The following COL20A1 variants were observed in gnomAD, a reference collection of about 807,000 sequenced individuals.
COL20A1 encodes collagen alpha-1(XX) chain.
Under a neutral mutation model 152.9 loss-of-function variants are expected in COL20A1, and 164 were observed. The ratio of observed to expected loss-of-function variants is 1.07; its 90% confidence interval spans 0.94 to 1.22. COL20A1 has a LOEUF of 1.22. Ranked by LOEUF, COL20A1 falls within the 50% of genes most tolerant of loss-of-function variation. COL20A1 has a pLI of 0.00. For missense variants in COL20A1, 1,873 were observed against 1,744.8 expected, an observed-to-expected ratio of 1.07 and a Z score of -1.31; for synonymous variants, 864 against 756.0, an observed-to-expected ratio of 1.14 and a Z score of -2.34.
Position 63,313,381 on chromosome 20 carries a change from G to A in COL20A1, c.2209+132G>A. 9.6e-7 allele frequency: 1 copy of A among 1,039,380 alleles called. No individual in the cohort carries two copies. The highest frequency in any genetic ancestry group is 1.4e-6 in the Non-Finnish European group (1 of 731,014). 64.4% of individuals were successfully genotyped at this position (1,039,380 alleles called of 1,614,324 possible). A position where few individuals can be genotyped will look rare whatever the true frequency, so the allele number is the denominator to read the frequency against. ...CTGGCTCCAGAGCCCTGATCACTGG[G>A]CCTGGTCGTTGGAGTCTGCAGCACT... On this transcript the variant is annotated intron_variant, in intron 17 of 35. Transcript: ENST00000358894. This position sits in a 1 kb window ranked among gnomAD's most constrained non-coding sequence, Gnocchi z 5.9.
chr20:63,327,782 G>A, intron 31 of COL20A1, 170 bp from the exon 32 acceptor site: 1 of 665,302 alleles, frequency 1.5e-6, no homozygotes, highest in South Asian at 1.8e-5. Flanking sequence ...CTCGGGTGCA[G>A]GCGAGGACCA....
In COL20A1 at chr20:63,314,220, CCCAGACCCAG is replaced by C. The variant is rs1205377503; in HGVS notation, c.2488+20_2488+29del. 1.6e-5 allele frequency: 25 copies of C among 1,550,336 alleles called. No individual in the cohort carries two copies. The highest frequency in any genetic ancestry group is 2.0e-5 in the Non-Finnish European group (23 of 1,146,472). Reference sequence around the variant, plus strand: ...CAGACAGGTGAGTGGGCACCAAGACCCCAGACCCAGGTAGACCCAGCCCCAGCCGGGCCCT... The same window carrying C: ...CAGACAGGTGAGTGGGCACCAAGACCGTAGACCCAGCCCCAGCCGGGCCCT... On this transcript the variant is annotated intron_variant, in intron 19 of 35. Coordinates refer to ENST00000358894, the MANE Select transcript of COL20A1 (RefSeq NM_020882.4).
At position 63,314,167 on chromosome 20, in the gene COL20A1, C is replaced by G. The variant is rs539788624; in HGVS notation, c.2454C>G (p.Gly818=). 1.9e-6 allele frequency: 3 copies of G among 1,583,210 alleles called. No individual in the cohort carries two copies. Among genetic ancestry groups the G allele is most frequent in the African/African-American group, 2.7e-5 (2 of 74,462 alleles). The change falls in exon 19 of 36, where the codon GGC becomes GGG. Residue 818 remains glycine, a synonymous_variant. Transcript: ENST00000358894. Reference sequence around the variant, plus strand: ...TGGTCTCAGCTATCTATGCAGCAGGCAGGAGTGAGGCTGTGTCTGCCACGG... The same window carrying G: ...TGGTCTCAGCTATCTATGCAGCAGGGAGGAGTGAGGCTGTGTCTGCCACGG... ...RVLVSAIYAA[G]RSEAVSATGQ...
At position 63,311,390 on chromosome 20, in the gene COL20A1, C is replaced by A; in HGVS notation, c.1394-4C>A. ...TCCTAAAGTGTCCCTGCATGGCCCC[C>A]CAGCACCTCTGCCTCCGCCCCGGGC... On this transcript the variant is annotated splice_polypyrimidine_tract_variant and splice_region_variant and intron_variant, in intron 11 of 35. Transcript: ENST00000358894. The surrounding 1 kb of genome is among the most constrained non-coding windows in gnomAD (Gnocchi z 4.4). The A allele has an allele frequency of 6.3e-7, 1 of 1,578,900 alleles. No homozygotes were observed. The highest frequency in any genetic ancestry group is 8.6e-7 in the Non-Finnish European group (1 of 1,163,958).
rs1220726311 is a variant in COL20A1, at chr20:63,320,161, G to A, written c.3039G>A (p.Leu1013=). 1.3e-6 allele frequency: 2 copies of A among 1,555,702 alleles called. No homozygotes were observed. The highest frequency in any genetic ancestry group is 3.8e-5 in the Admixed American group (2 of 52,564). ...PAAGFVTLGR[L]AKARGPRSSS... is the part of the protein sequence containing the mutation. ...CGGGCTTCGTCACGCTGGGGAGGCT[G>A]GCCAAGGCCAGGGGCCCCCGGAGCA... is the stretch of plus-strand genomic sequence containing the variant. The change falls in exon 24 of 36, where the codon CTG becomes CTA. Residue 1013 remains leucine, a synonymous_variant. Transcript: ENST00000358894.
intron 19 of COL20A1, among the ~76,000 whole-genome samples, chr20:63,314,605 G>A (rs943927281): frequency 6.6e-6 from 1 of 152,162 alleles, no homozygotes; most frequent in African/African-American, 2.4e-5. Flanking sequence ...TTGGGGACGG[G>A]GTCCTCACTG....
rs755458492 is a variant in COL20A1 at position 63,312,011 on chromosome 20, G to A, written c.1759G>A (p.Val587Ile). 21 of 1,606,674 alleles carry A rather than the reference G, an allele frequency of 1.3e-5. No individual in the cohort carries two copies. In the South Asian group the frequency reaches 1.8e-4, roughly 14 times the overall value. Residue 587 changes from valine to isoleucine, a missense_variant, in exon 14 of 36, where the codon GTC becomes ATC. Coordinates refer to ENST00000358894, the MANE Select transcript of COL20A1 (RefSeq NM_020882.4). ...GGGTGCCCCGAGGCCTGTGCGCCTG[G>A]TCAGGGTCACCTATGTGTCCAGCGA... The part of the protein sequence containing the change: ...WEGAPRPVRL[V>I]RVTYVSSEGG...
chr20:63,309,811 C>G lies in COL20A1; in HGVS notation c.1159C>G (p.Gln387Glu), dbSNP rs774897563. Residue 387 changes from glutamine to glutamate, a missense_variant, in exon 10 of 36, where the codon CAG (glutamine) becomes GAG (glutamate). Transcript: ENST00000358894. The part of the protein sequence containing the change: ...LPAPTSLVLS[Q>E]VTSSSIRLSW... ...TGCCCCCACCAGCCTGGTCCTGAGC[C>G]AGGTGACCTCCTCCAGCATCCGCCT... 18 of 1,609,132 alleles carry G rather than the reference C, an allele frequency of 1.1e-5. 1 individual carries two copies. In the South Asian group the frequency reaches 1.8e-4, roughly 16 times the overall value.
rs370140638 is a variant in COL20A1 at position 63,295,127 on chromosome 20, C to T, written c.20C>T (p.Ala7Val). ...AGCACCATGAGCTCCGGAGACCCTG[C>T]ACACCTCGGCCTCTGCCTCTGGCTG... MSSGDPAHLGLCLWLWL... is the reference protein window; with the variant it reads MSSGDPVHLGLCLWLWL... Residue 7 changes from alanine to valine, a missense_variant, in exon 2 of 36, where the codon GCA (alanine) becomes GTA (valine). Transcript: ENST00000358894. The T allele has an allele frequency of 3.0e-5, 46 of 1,552,638 alleles. No individual in the cohort carries two copies. The African/African-American group carries it at 5.2e-4, about 18-fold the overall frequency.
intron 27 of COL20A1, among the ~76,000 whole-genome samples, chr20:63,323,510 G>A (rs1439854713): frequency 1.3e-5 from 2 of 152,170 alleles, no homozygotes; most frequent in African/African-American, 4.8e-5. Flanking sequence ...GATTCGTCTA[G>A]AGCTGATTTT....
At position 63,295,102 on chromosome 20, in the gene COL20A1, A is replaced by C; in HGVS notation, c.-6A>C. Reference sequence around the variant, plus strand: ...ATGGCCTCTTCCCTGCCACAGCCCGAGCACCATGAGCTCCGGAGACCCTGC... The same window carrying C: ...ATGGCCTCTTCCCTGCCACAGCCCGCGCACCATGAGCTCCGGAGACCCTGC... On this transcript the variant is annotated 5_prime_UTR_variant, in exon 2 of 36. Transcript: ENST00000358894. 6.5e-7 allele frequency: 1 copy of C among 1,548,736 alleles called. No individual in the cohort carries two copies. Among genetic ancestry groups the C allele is most frequent in the Non-Finnish European group, 8.7e-7 (1 of 1,145,906 alleles).
rs199849682 is a variant in COL20A1 at position 63,313,194 on chromosome 20, G to A, written c.2154G>A (p.Leu718=). Residue 718 remains leucine, a synonymous_variant, in exon 17 of 36, where the codon TTG becomes TTA. Transcript: ENST00000358894. The surrounding 1 kb of genome is among the most constrained non-coding windows in gnomAD (Gnocchi z 5.9). Reference sequence around the variant, plus strand: ...ACACAGAGTACGACGTCACCATCTTGGCCTACTACAGGGACGGGGCCCGCA... The same window carrying A: ...ACACAGAGTACGACGTCACCATCTTAGCCTACTACAGGGACGGGGCCCGCA... The part of the protein sequence containing the change: ...GRHTEYDVTI[L]AYYRDGARSD... 6.2e-7 allele frequency: 1 copy of A among 1,612,546 alleles called. No individual in the cohort carries two copies. The highest frequency in any genetic ancestry group is 8.5e-7 in the Non-Finnish European group (1 of 1,179,732).
chr20:63,329,596 G>T lies in COL20A1; in HGVS notation c.3793G>T (p.Ala1265Ser). The T allele has an allele frequency of 1.9e-6, 3 of 1,609,464 alleles. No individual in the cohort carries two copies. Among genetic ancestry groups the T allele is most frequent in the Non-Finnish European group, 2.5e-6 (3 of 1,179,290 alleles). Residue 1265 changes from alanine (A) to serine (S), a missense_variant, in exon 35 of 36, where the codon GCT (alanine) becomes TCT (serine). By Grantham distance (99) the Ala-to-Ser change is moderately conservative (BLOSUM62 1). Coordinates refer to ENST00000358894, the MANE Select transcript of COL20A1 (RefSeq NM_020882.4). ...CCCTTTCCTCGCAGGGGAGCCTGGA[G>T]CTGTTGGTCAGATGGGCAGCCCTGG... ...RHLEGRGEPG[A>S]VGQMGSPGQQ...
Position 63,311,377 on chromosome 20 carries a change from C to G in COL20A1, c.1394-17C>G. ...TGTGTGGGCTCCTTCCTAAAGTGTC[C>G]CTGCATGGCCCCCCAGCACCTCTGC... On this transcript the variant is annotated splice_polypyrimidine_tract_variant and intron_variant, in intron 11 of 35. Coordinates refer to ENST00000358894, the MANE Select transcript of COL20A1 (RefSeq NM_020882.4). The surrounding 1 kb of genome is among the most constrained non-coding windows in gnomAD (Gnocchi z 4.4). 6.4e-7 allele frequency: 1 copy of G among 1,569,992 alleles called. No homozygotes were observed. The highest frequency in any genetic ancestry group is 8.6e-7 in the Non-Finnish European group (1 of 1,159,740).
At chr20:63,327,013 GT>G (rs2068260057) in intron 31 of COL20A1, among the ~76,000 whole-genome samples, 190 bp downstream of exon 31, 1 of 152,026 alleles carries the variant, frequency 6.6e-6, no homozygotes, top group South Asian at 2.1e-4. Flanking sequence ...GGAACTTCCT[GT>G]TGACCCCCCT....
Position 63,318,078 on chromosome 20 carries a change from A to G in COL20A1, c.2664-980A>G, listed in dbSNP as rs115989446. 3.3e-3 allele frequency among the ~76,000 whole-genome samples: 500 copies of G among 151,936 alleles called. 4 individuals carry two copies. The highest frequency in any genetic ancestry group is 0.011 in the African/African-American group (476 of 41,436). Reference sequence around the variant, plus strand: ...CTGTTTCCATGAGTCCCTGTTCTCAAATGAGGGCTCCTCCCAGCCTTGTGG... The same window carrying G: ...CTGTTTCCATGAGTCCCTGTTCTCAGATGAGGGCTCCTCCCAGCCTTGTGG... On this transcript the variant is annotated intron_variant, in intron 21 of 35. Coordinates refer to ENST00000358894, the MANE Select transcript of COL20A1 (RefSeq NM_020882.4).
intron 27 of COL20A1, 40 bp downstream of exon 27, chr20:63,322,151 C>T (rs559635699): frequency 5.6e-6 from 8 of 1,438,148 alleles, no homozygotes; most frequent in South Asian, 5.4e-5. Context: ...GGGCCTGGAT[C>T]GTACCTACCA....
chr20:63,299,189 C>T (rs760474386), intron 3 of COL20A1, among the ~76,000 whole-genome samples: 12 of 152,084 alleles, frequency 7.9e-5, no homozygotes, highest in Non-Finnish European at 1.3e-4. Context: ...GTTGTGTAGA[C>T]GCCGTGTGAG....
At position 63,319,164 on chromosome 20, in the gene COL20A1, G is replaced by A. The variant is rs940514489; in HGVS notation, c.2770G>A (p.Glu924Lys). Residue 924 changes from glutamate (E) to lysine (K), a missense_variant, in exon 22 of 36, where the codon GAG (glutamate) becomes AAG (lysine). Coordinates refer to ENST00000358894, the MANE Select transcript of COL20A1 (RefSeq NM_020882.4). The surrounding 1 kb of genome is among the most constrained non-coding windows in gnomAD (Gnocchi z 4.4). ...EAFALWQMTA[E>K]DFQPLLGVLL... ...CTTCGCGCTGTGGCAGATGACAGCC[G>A]AGGACTTCCAGCCCCTCCTTGGGGT... The A allele has an allele frequency of 1.1e-5, 17 of 1,612,484 alleles. No homozygotes were observed. The highest frequency in any genetic ancestry group is 2.2e-5 in the East Asian group (1 of 44,812).
Sources: allele counts gnomAD v4.1 joint callset (sites outside exome capture counted in the v4.1 genomes callset), GRCh38; gene constraint gnomAD v4.1.1; non-coding constraint Gnocchi (gnomAD v3.1); transcripts MANE v1.5; gene names NCBI Gene and HGNC (gene_info 2026-07-23, HGNC 2026-07-21).